Variants in BCCIP observed in about 807,000 individuals in gnomAD.
BCCIP encodes BRCA2 and CDKN1A-interacting protein.
BCCIP carries 23 observed loss-of-function variants against 32.8 expected under a neutral mutation model. The observed-to-expected ratio is 0.70, with a 90% CI of 0.51 to 0.99. The LOEUF (loss-of-function observed/expected upper bound fraction) is 0.99, where lower values mean the gene tolerates loss of function less well. Ranked by LOEUF, BCCIP falls within the 50% of genes least tolerant of loss-of-function variation. The probability of loss-of-function intolerance (pLI) is 0.00; values close to 1 mark genes in which losing one functional copy is unlikely to be tolerated. For synonymous variants in BCCIP, 144 were observed against 137.6 expected (o/e 1.05, Z -0.33); for missense variants, 378 against 379.8 (o/e 1.00, Z 0.04).
At chr10:125,850,512 C>G (rs1481052129) in intron 7 of BCCIP, among the ~76,000 whole-genome samples, 2 of 152,062 alleles carry the variant, frequency 1.3e-5, no homozygotes, top group African/African-American at 4.8e-5. Flanking sequence ...CATGCACTAC[C>G]ATGCCCGGCT....
At chr10:125,844,610 AT>A (rs1480507270), downstream of BCCIP, among the ~76,000 whole-genome samples, 2 of 152,248 alleles carry the variant, frequency 1.3e-5, no homozygotes, top group Non-Finnish European at 2.9e-5. Flanking sequence ...CTAATATTAT[AT>A]TCTGCATTTT....
At chr10:125,829,376 T>C (rs1006098108) in intron 3 of BCCIP, among the ~76,000 whole-genome samples, 5 of 152,236 alleles carry the variant, frequency 3.3e-5, no homozygotes, top group African/African-American at 7.2e-5. Context: ...TTCCCTAGCC[T>C]GTTGTGAAAA....
chr10:125,836,036 C>T (rs540319631), intron 6 of BCCIP, 68 bp from the exon 7 acceptor site: 26 of 1,368,798 alleles, frequency 1.9e-5, no homozygotes, highest in Middle Eastern at 1.8e-4. Context: ...TATTCTTTGC[C>T]GTAGATCAAA....
chr10:125,827,568 A>C lies in BCCIP; in HGVS notation c.251A>C (p.Lys84Thr). ...TTTTCCTCCTTTTAGCTTTTTCTAA[A>C]GGCTCCTGTGAACACTGCAGAACTA... ...IKKLLQQLFL[K>T]APVNTAELTD... The change falls in exon 3 of 7, where the codon AAG becomes ACG. Residue 84 changes from lysine to threonine, a missense_variant. Physicochemically the swap from Lys to Thr is moderately conservative, Grantham distance 78. Coordinates refer to ENST00000278100, the MANE Select transcript of BCCIP (RefSeq NM_078468.3). 6.2e-7 allele frequency: 1 copy of C among 1,607,056 alleles called. No homozygotes were observed. Among genetic ancestry groups the C allele is most frequent in the Non-Finnish European group, 8.5e-7 (1 of 1,176,280 alleles).
At chr10:125,831,279 C>T (rs1336748626) in intron 4 of BCCIP, 141 bp from the exon 5 acceptor site, 1 of 710,788 alleles carries the variant, frequency 1.4e-6, no homozygotes, top group Non-Finnish European at 2.4e-6. Context: ...AAGCAGTCAA[C>T]ACTGAAGACA....
At chr10:125,843,370 GGAGGCC>G (rs1854933232), downstream of BCCIP, among the ~76,000 whole-genome samples, 1 of 152,124 alleles carries the variant, frequency 6.6e-6, no homozygotes, top group Non-Finnish European at 1.5e-5. Flanking sequence ...CCTCACTTTG[GGAGGCC>G]GAGGCGGGAG....
chr10:125,823,933 C>T (rs552580536), intron 1 of BCCIP, among the ~76,000 whole-genome samples: 267 of 152,316 alleles, frequency 1.8e-3, no homozygotes, highest in Non-Finnish European at 2.9e-3. Context: ...TCCAGTTAAT[C>T]TCCCAACCCG....
At chr10:125,831,895 A>G (rs1564818649) in intron 5 of BCCIP, among the ~76,000 whole-genome samples, 1 of 152,188 alleles carries the variant, frequency 6.6e-6, no homozygotes. Context: ...GAAGTTTTTC[A>G]CCTTCACAGA....
intron 2 of BCCIP, among the ~76,000 whole-genome samples, chr10:125,827,002 A>AAAAAAAAAAAG (rs1428747847): frequency 6.6e-6 from 1 of 151,518 alleles, no homozygotes; most frequent in African/African-American, 2.4e-5. Flanking sequence ...TCTCTAAAAA[A>AAAAAAAAAAAG]AAAGAAAATT....
chr10:125,829,610 G>A (rs1042256884), intron 3 of BCCIP, among the ~76,000 whole-genome samples: 1 of 152,168 alleles, frequency 6.6e-6, no homozygotes, highest in Non-Finnish European at 1.5e-5. Context: ...ACTTTTCAAG[G>A]CTTCTGACAA....
At position 125,836,202 on chromosome 10, in the gene BCCIP, A is replaced by T; in HGVS notation, c.873A>T (p.Arg291=). The T allele has an allele frequency of 6.2e-7, 1 of 1,614,234 alleles. No homozygotes were observed. The highest frequency in any genetic ancestry group is 8.5e-7 in the Non-Finnish European group (1 of 1,180,034). The part of the protein sequence containing the change: ...SFDDVPMTPL[R]TVMLIPGDKM... The stretch of plus-strand genomic sequence containing the variant: ...ATGACGTACCAATGACGCCCTTGCG[A>T]ACTGTGATGTTAATTCCAGGCGACA... The change falls in exon 7 of 7, where the codon CGA becomes CGT. Residue 291 remains arginine (R), a synonymous_variant. Coordinates refer to ENST00000278100, the MANE Select transcript of BCCIP (RefSeq NM_078468.3).
Position 125,831,619 on chromosome 10 carries a change from T to A in BCCIP, c.599+12T>A. 6.3e-7 allele frequency: 1 copy of A among 1,594,282 alleles called. No individual in the cohort carries two copies. The highest frequency in any genetic ancestry group is 8.5e-7 in the Non-Finnish European group (1 of 1,171,104). ...TACCAGCAGCTTCAGTAAGAGATTC[T>A]GGGAAAATATCTTTGAACAGTAATT... On this transcript the variant is annotated intron_variant, in intron 5 of 6. Transcript: ENST00000278100.
intron 7 of BCCIP, among the ~76,000 whole-genome samples, chr10:125,848,620 C>T (rs1051788609): frequency 2.6e-5 from 4 of 152,172 alleles, no homozygotes; most frequent in African/African-American, 9.7e-5. Context: ...CATGGCTCTT[C>T]CTGGCTCCGG....
chr10:125,836,598 C>G, downstream of BCCIP: 1 of 1,477,790 alleles, frequency 6.8e-7, no homozygotes, highest in East Asian at 2.3e-5. Context: ...GATGTGAAAT[C>G]CGTCTTCGCG....
At chr10:125,839,406 C>T (rs1015015936), downstream of BCCIP, among the ~76,000 whole-genome samples, 2 of 152,252 alleles carry the variant, frequency 1.3e-5, no homozygotes, top group Admixed American at 1.3e-4. Flanking sequence ...CCACCGACAG[C>T]ACCCATGCCA....
chr10:125,847,957 G>C (rs561483790), intron 7 of BCCIP, among the ~76,000 whole-genome samples: 3 of 152,288 alleles, frequency 2.0e-5, no homozygotes, highest in South Asian at 4.1e-4. Context: ...CCTGCTGTCC[G>C]GCCCAGTTCC....
In BCCIP at chr10:125,823,660, G is replaced by A; in HGVS notation, c.103G>A (p.Glu35Lys). Residue 35 changes from glutamate to lysine, a missense_variant, in exon 1 of 7, where the codon GAG becomes AAG. Physicochemically the swap from Glu to Lys is moderately conservative, Grantham distance 56. Coordinates refer to ENST00000278100, the MANE Select transcript of BCCIP (RefSeq NM_078468.3). Reference sequence around the variant, plus strand: ...GGAAGAGGAAAAAGAAGTCGAAAATGAGGATGAAGACGATGATGACAGTGA... The same window carrying A: ...GGAAGAGGAAAAAGAAGTCGAAAATAAGGATGAAGACGATGATGACAGTGA... ...DEEEEKEVEN[E>K]DEDDDDSDKE... is the part of the protein sequence containing the mutation. The A allele has an allele frequency of 6.2e-7, 1 of 1,614,168 alleles. No individual in the cohort carries two copies. The highest frequency in any genetic ancestry group is 8.5e-7 in the Non-Finnish European group (1 of 1,180,014).
chr10:125,841,030 A>G, downstream of BCCIP: 2 of 1,579,562 alleles, frequency 1.3e-6, no homozygotes, highest in Non-Finnish European at 8.6e-7. Flanking sequence ...GGTTAGCAAT[A>G]ATGAAGACAT....
At chr10:125,825,077 T>TGGC (rs1182692498) in intron 1 of BCCIP, among the ~76,000 whole-genome samples, 3 of 152,396 alleles carry the variant, frequency 2.0e-5, no homozygotes, top group South Asian at 4.1e-4. Context: ...GAACTTTGAC[T>TGGC]GGCTCTTTTA....
Sources: gnomAD v4.1 joint callset for allele counts (sites outside exome capture counted in the v4.1 genomes callset) on GRCh38, gnomAD v4.1.1 for gene constraint, MANE v1.5 for transcripts, NCBI Gene and HGNC (gene_info 2026-07-23, HGNC 2026-07-21) for gene names.